PACC1: variants seen among roughly 807,000 people sequenced by gnomAD.
The protein encoded by PACC1 is proton-activated chloride channel.
Under a neutral mutation model 39.7 loss-of-function variants are expected in PACC1, and 34 were observed. The ratio of observed to expected loss-of-function variants is 0.86; its 90% CI spans 0.65 to 1.14. The LOEUF (loss-of-function observed/expected upper bound fraction) is 1.14. Among genes scored for constraint, PACC1 ranks in the 50% most tolerant of loss-of-function variants. PACC1 has a pLI of 0.00. For synonymous variants in PACC1, 127 were observed against 160.6 expected (o/e 0.79, Z 1.58); for missense variants, 379 against 436.4 (o/e 0.87, Z 1.17).
rs193130207 is a variant in PACC1, at chr1:212,382,933, G to A, written c.495+2341C>T. ...GGAGCTTACTTCATGCCAAGAAGGC[G>A]TCTCACCGGTCCCACCCTGCAGGGT... On this transcript the variant is annotated intron_variant, in intron 4 of 7. Coordinates refer to ENST00000261455, the MANE Select transcript of PACC1 (RefSeq NM_018252.3). Among the ~76,000 whole-genome samples the A allele has an allele frequency of 1.1e-4, 16 of 152,320 alleles. No homozygotes were observed. In the East Asian group the frequency reaches 1.5e-3, roughly 15 times the overall value.
intron 1 of PACC1, 136 bp from the exon 2 acceptor site, chr1:212,410,657 A>T (rs1407222902): frequency 2.5e-6 from 2 of 785,828 alleles, no homozygotes; most frequent in Non-Finnish European, 4.5e-6. Flanking sequence ...TGTTACAGCA[A>T]TTTTACAGAT....
At chr1:212,382,586 C>T (rs911317704) in intron 4 of PACC1, among the ~76,000 whole-genome samples, 5 of 152,328 alleles carry the variant, frequency 3.3e-5, no homozygotes, top group East Asian at 3.9e-4. Flanking sequence ...ATGAGACCCT[C>T]GACTGGGGTC....
At chr1:212,376,102 G>A (rs1271146432) in intron 6 of PACC1, among the ~76,000 whole-genome samples, 1 of 152,128 alleles carries the variant, frequency 6.6e-6, no homozygotes, top group Admixed American at 6.5e-5. Flanking sequence ...CTTAGTAGGT[G>A]TGCTTGGTGA....
chr1:212,372,289 A>G (rs1273316248), intron 7 of PACC1, among the ~76,000 whole-genome samples: 9 of 150,822 alleles, frequency 6.0e-5, no homozygotes, highest in Non-Finnish European at 1.0e-4. Flanking sequence ...TGTCAAAAAA[A>G]AAAAACAAAA....
intron 1 of PACC1, chr1:212,414,068 C>T: frequency 6.5e-7 from 1 of 1,534,462 alleles, no homozygotes; most frequent in Non-Finnish European, 8.7e-7. Context: ...GAAGGAAGCG[C>T]TGGACGCACA....
Position 212,364,055 on chromosome 1 carries a change from G to C in PACC1, c.*1160C>G, listed in dbSNP as rs1660148418. ...AGCCAGATTACAAAATTTAGGAAAT[G>C]CTACCAAGTCCTCTTTGAAGCAACA... is the stretch of plus-strand genomic sequence containing the variant. On this transcript the variant is annotated 3_prime_UTR_variant, in exon 8 of 8. Coordinates refer to ENST00000261455, the MANE Select transcript of PACC1 (RefSeq NM_018252.3). 1 of 152,210 alleles carries C rather than the reference G, an allele frequency of 6.6e-6. No individual in the cohort carries two copies. The highest frequency in any genetic ancestry group is 2.4e-5 in the African/African-American group (1 of 41,446). 9.4% of individuals were successfully genotyped at this position (152,210 alleles called of 1,614,324 possible).
chr1:212,398,302 T>C (rs2102524032), intron 2 of PACC1, among the ~76,000 whole-genome samples: 1 of 152,330 alleles, frequency 6.6e-6, no homozygotes, highest in East Asian at 1.9e-4. Context: ...GTTTCCATGT[T>C]TGTCGAATGA....
chr1:212,404,009 TGCC>T (rs1205310741), intron 2 of PACC1, among the ~76,000 whole-genome samples: 6 of 152,208 alleles, frequency 3.9e-5, no homozygotes, highest in Admixed American at 3.9e-4. Context: ...CATCAGCCTT[TGCC>T]GCAGCATGGT....
chr1:212,398,663 C>T (rs888478214), intron 2 of PACC1, among the ~76,000 whole-genome samples: 23 of 152,226 alleles, frequency 1.5e-4, no homozygotes, highest in African/African-American at 5.3e-4. Context: ...TCTTTCTCAT[C>T]TCAGCCTCTT....
At chr1:212,381,694 T>TACACACACACAC (rs747376806) in intron 4 of PACC1, among the ~76,000 whole-genome samples, 3,215 of 78,408 alleles carry the variant, frequency 0.041, 133 homozygotes, top group East Asian at 0.16. Flanking sequence ...ACACACACAC[T>TACACACACACAC]GCACACACAC....
chr1:212,384,054 C>A (rs1661005465), intron 4 of PACC1, among the ~76,000 whole-genome samples: 1 of 152,140 alleles, frequency 6.6e-6, no homozygotes, highest in Admixed American at 6.5e-5. Context: ...AAAGCTTGTA[C>A]CTCTACAACA....
chr1:212,403,326 C>T (rs1357429748), intron 2 of PACC1, among the ~76,000 whole-genome samples: 5 of 152,184 alleles, frequency 3.3e-5, no homozygotes, highest in African/African-American at 1.2e-4. Flanking sequence ...TACCTCCAGG[C>T]CCTCCATTCA....
chr1:212,380,097 C>A, intron 4 of PACC1, 60 bp from the exon 5 acceptor site: 3 of 1,562,628 alleles, frequency 1.9e-6, no homozygotes, highest in Non-Finnish European at 2.6e-6. Flanking sequence ...GCCTCTGGGT[C>A]TGAGGGCAGA....
intron 4 of PACC1, among the ~76,000 whole-genome samples, chr1:212,385,039 C>A (rs1661046466): frequency 6.6e-6 from 1 of 152,240 alleles, no homozygotes; most frequent in South Asian, 2.1e-4. Context: ...ACCGCACTGT[C>A]AGGAATCCCT....
At chr1:212,412,587 A>C (rs1662176736) in intron 1 of PACC1, among the ~76,000 whole-genome samples, 2 of 152,226 alleles carry the variant, frequency 1.3e-5, no homozygotes, top group Non-Finnish European at 2.9e-5. Flanking sequence ...CAGGCCTCTG[A>C]AGAAGGCAAG....
At chr1:212,414,024 T>C (rs1298492092) in intron 1 of PACC1, 2 of 1,535,682 alleles carry the variant, frequency 1.3e-6, no homozygotes, top group South Asian at 1.2e-5. Flanking sequence ...GTTTCACTAA[T>C]ACAGCTGGAG....
intron 4 of PACC1, 21 bp downstream of exon 4, chr1:212,385,253 G>A (rs376291641): frequency 3.8e-5 from 61 of 1,613,404 alleles, no homozygotes; most frequent in Admixed American, 5.0e-5. Context: ...CCCAGACCCA[G>A]CTCAGGCAGA....
At chr1:212,368,586 G>C (rs1660326843) in intron 7 of PACC1, among the ~76,000 whole-genome samples, 1 of 121,828 alleles carries the variant, frequency 8.2e-6, no homozygotes, top group South Asian at 2.6e-4. Flanking sequence ...ACAATTAACA[G>C]ACTGAAAAAT....
At position 212,390,145 on chromosome 1, in the gene PACC1, G is replaced by A. The variant is rs112824395; in HGVS notation, c.134-3045C>T. 2.1e-3 allele frequency among the ~76,000 whole-genome samples: 324 copies of A among 152,128 alleles called. 1 individual carries two copies. Among genetic ancestry groups the A allele is most frequent in the African/African-American group, 7.4e-3 (306 of 41,532 alleles). On this transcript the variant is annotated intron_variant, in intron 2 of 7. Coordinates refer to ENST00000261455, the MANE Select transcript of PACC1 (RefSeq NM_018252.3). Reference sequence around the variant, plus strand: ...TGGGTCACAAAAAATATCTGAGGCCGGGGGTGTGGTGGTTCACCCCTGTAA... The same window carrying A: ...TGGGTCACAAAAAATATCTGAGGCCAGGGGTGTGGTGGTTCACCCCTGTAA...
Sources: gnomAD v4.1 joint callset for allele counts (sites outside exome capture counted in the v4.1 genomes callset) on GRCh38, gnomAD v4.1.1 for gene constraint, MANE v1.5 for transcripts, NCBI Gene and HGNC (gene_info 2026-07-23, HGNC 2026-07-21) for gene names.